Variants in CAMK2A observed in about 807,000 individuals in gnomAD.
CAMK2A encodes the protein calcium/calmodulin dependent protein kinase II alpha, also known as calcium/calmodulin-dependent protein kinase type II subunit alpha.
Under a neutral mutation model 79.2 loss-of-function variants are expected in CAMK2A, and 7 were observed. The ratio of observed to expected loss-of-function variants is 0.09; its 90% CI spans 0.05 to 0.17. The LOEUF (loss-of-function observed/expected upper bound fraction) is 0.17, where lower values mean the gene tolerates loss of function less well. CAMK2A is among the 10% of genes least tolerant of loss of function. The pLI, the probability that CAMK2A is intolerant of heterozygous loss-of-function variation, is 1.00. For synonymous variants in CAMK2A, 242 were observed against 251.7 expected (o/e 0.96, Z 0.36); for missense variants, 214 against 646.4 (o/e 0.33, Z 7.25).
At chr5:150,225,085 A>T (rs1396816394) in intron 17 of CAMK2A, among the ~76,000 whole-genome samples, 9 of 151,532 alleles carry the variant, frequency 5.9e-5, no homozygotes, top group Non-Finnish European at 1.3e-4. Context: ...AGTGAGAGAG[A>T]GAGAGAGAGA....
At chr5:150,236,076 G>A (rs1229320202) in intron 15 of CAMK2A, among the ~76,000 whole-genome samples, 1 of 152,094 alleles carries the variant, frequency 6.6e-6, no homozygotes, top group East Asian at 1.9e-4. Flanking sequence ...TGGAAAGGGG[G>A]AAAATCTGGA....
intron 16 of CAMK2A, among the ~76,000 whole-genome samples, chr5:150,229,529 T>C (rs1209414523): frequency 6.6e-6 from 1 of 152,146 alleles, no homozygotes; most frequent in Non-Finnish European, 1.5e-5. Context: ...ATGTTCAAGA[T>C]TACACAGGGC....
intron 2 of CAMK2A, 173 bp from the exon 3 acceptor site, chr5:150,265,188 T>G: frequency 3.2e-6 from 2 of 616,650 alleles, no homozygotes; most frequent in Admixed American, 2.6e-5. Flanking sequence ...TGGGGTGCAG[T>G]GGAAAGAGGA....
intron 12 of CAMK2A, chr5:150,245,462 G>A: frequency 3.8e-6 from 2 of 523,850 alleles, no homozygotes; most frequent in Non-Finnish European, 6.8e-6. Flanking sequence ...GTTGAGGGAG[G>A]TGTCCAACAT....
chr5:150,241,725 TTTCTC>T (rs536850025), intron 13 of CAMK2A, among the ~76,000 whole-genome samples: 29 of 135,986 alleles, frequency 2.1e-4, no homozygotes, highest in Non-Finnish European at 3.8e-4. Context: ...CTTTTCCTCT[TTTCTC>T]TCCTCTCCTC....
At chr5:150,263,626 C>T (rs1293555572) in intron 3 of CAMK2A, among the ~76,000 whole-genome samples, 1 of 152,082 alleles carries the variant, frequency 6.6e-6, no homozygotes, top group African/African-American at 2.4e-5. Context: ...CTCACACTCA[C>T]ATTCACACAC....
At chr5:150,250,188 TC>T in intron 11 of CAMK2A, 37 bp downstream of exon 11, 1 of 1,498,510 alleles carries the variant, frequency 6.7e-7, no homozygotes, top group Non-Finnish European at 9.3e-7. Flanking sequence ...GCAGAGCTAG[TC>T]CCATGGCCAG....
intron 13 of CAMK2A, among the ~76,000 whole-genome samples, chr5:150,242,954 CTCT>C (rs1205481018): frequency 2.6e-5 from 4 of 152,180 alleles, no homozygotes; most frequent in African/African-American, 9.7e-5. Context: ...CTTTGAGCTC[CTCT>C]TCTTCCACAC....
Position 150,250,819 on chromosome 5 carries a change from G to A in CAMK2A, c.694-9C>T, listed in dbSNP as rs749405353. ...CATTCCGGCGATGGGAACTGGAAGG[G>A]GCAGAGAGGCCAGGTTTGCCCAGCC... On this transcript the variant is annotated splice_polypyrimidine_tract_variant and intron_variant, in intron 9 of 18. Transcript: ENST00000671881. 2 of 1,613,694 alleles carry A rather than the reference G, an allele frequency of 1.2e-6. No homozygotes were observed. Among genetic ancestry groups the A allele is most frequent in the Non-Finnish European group, 8.5e-7 (1 of 1,179,648 alleles).
At chr5:150,225,092 G>A (rs964618858) in intron 17 of CAMK2A, among the ~76,000 whole-genome samples, 2 of 151,132 alleles carry the variant, frequency 1.3e-5, no homozygotes, top group African/African-American at 4.9e-5. Context: ...GAGAGAGAGA[G>A]AGACAATGGA....
chr5:150,262,080 C>T (rs1216596928), intron 3 of CAMK2A, among the ~76,000 whole-genome samples: 15 of 152,150 alleles, frequency 9.9e-5, no homozygotes, highest in Admixed American at 7.2e-4. Context: ...AGCAGGTTAC[C>T]GACCTCTCCC....
intron 16 of CAMK2A, among the ~76,000 whole-genome samples, chr5:150,230,739 T>C (rs1370680171): frequency 3.3e-5 from 5 of 152,254 alleles, no homozygotes; most frequent in African/African-American, 1.2e-4. Context: ...CAGGTGTGTA[T>C]GTGATGTCTC....
At chr5:150,264,405 G>A (rs1318294488) in intron 3 of CAMK2A, among the ~76,000 whole-genome samples, 2 of 152,252 alleles carry the variant, frequency 1.3e-5, no homozygotes, top group African/African-American at 2.4e-5. Flanking sequence ...GCTGAAGAAG[G>A]GGGGCCAGGC....
intron 18 of CAMK2A, 131 bp downstream of exon 18, chr5:150,222,858 T>G: frequency 7.3e-7 from 1 of 1,367,288 alleles, no homozygotes; most frequent in South Asian, 1.2e-5. Flanking sequence ...CTGGCCCCCT[T>G]CTTGGGGTCT....
chr5:150,239,935 C>G (rs1240588493), intron 13 of CAMK2A, among the ~76,000 whole-genome samples, 199 bp from the exon 14 acceptor site: 1 of 152,132 alleles, frequency 6.6e-6, no homozygotes, highest in Non-Finnish European at 1.5e-5. Flanking sequence ...GGCCAGTCCT[C>G]GTCCTGAAGC....
At chr5:150,283,575 C>T (rs1442321708) in intron 1 of CAMK2A, among the ~76,000 whole-genome samples, 1 of 152,196 alleles carries the variant, frequency 6.6e-6, no homozygotes, top group Admixed American at 6.5e-5. Flanking sequence ...CTCCAGCTCC[C>T]TAATGTCACC....
chr5:150,286,339 C>T lies in CAMK2A; in HGVS notation c.62+3225G>A, dbSNP rs559427744. Among the ~76,000 whole-genome samples, 27 of 152,304 alleles carry T rather than the reference C, an allele frequency of 1.8e-4. 1 individual carries two copies. The South Asian group carries it at 4.8e-3, about 27-fold the overall frequency. ...AGGCTCCAGTAGCCCTGCCTGGGGC[C>T]CTGGCCCCAGTCACAGGTTCCCAGA... On this transcript the variant is annotated intron_variant, in intron 1 of 18. Transcript: ENST00000671881.
intron 1 of CAMK2A, among the ~76,000 whole-genome samples, chr5:150,273,573 T>C (rs1756838015): frequency 1.3e-5 from 2 of 152,168 alleles, no homozygotes; most frequent in Non-Finnish European, 2.9e-5. Context: ...CTCCCGCCCC[T>C]GTACTGCAGC....
intron 1 of CAMK2A, 63 bp from the exon 2 acceptor site, chr5:150,273,222 G>T: frequency 7.8e-7 from 1 of 1,279,046 alleles, no homozygotes; most frequent in East Asian, 2.3e-5. Flanking sequence ...CCTAGGAGAT[G>T]TTGGAGTTCA....
Sources: allele counts gnomAD v4.1 joint callset (sites outside exome capture counted in the v4.1 genomes callset), GRCh38; gene constraint gnomAD v4.1.1; transcripts MANE v1.5; gene names NCBI Gene and HGNC (gene_info 2026-07-23, HGNC 2026-07-21).